Variants in RANBP17 observed in about 807,000 individuals in gnomAD.
The protein encoded by RANBP17 is ran-binding protein 17.
RANBP17 carries 158 observed loss-of-function variants against 141.2 expected under a neutral mutation model. The observed-to-expected ratio is 1.12, with a 90% CI of 0.98 to 1.28. The LOEUF is 1.28. Among genes scored for constraint, RANBP17 ranks in the 50% most tolerant of loss-of-function variants. RANBP17 has a pLI of 0.00. For missense variants in RANBP17, 1,438 were observed against 1,290.7 expected, an observed-to-expected ratio of 1.11 and a Z score of -1.75; for synonymous variants, 430 against 450.0, an observed-to-expected ratio of 0.96 and a Z score of 0.56.
chr5:170,882,272 G>A (rs1452790832), intron 3 of RANBP17, among the ~76,000 whole-genome samples: 1 of 152,060 alleles, frequency 6.6e-6, no homozygotes, highest in Non-Finnish European at 1.5e-5. Context: ...AGTAGAGACA[G>A]GGTTTCACCA....
intron 16 of RANBP17, among the ~76,000 whole-genome samples, chr5:171,174,502 G>A (rs1374755342): frequency 6.6e-6 from 1 of 152,126 alleles, no homozygotes; most frequent in Admixed American, 6.6e-5. Context: ...TTTAAATGCT[G>A]AAAACGGAGA....
At chr5:171,258,912 GAAAT>G (rs1766102789) in intron 24 of RANBP17, among the ~76,000 whole-genome samples, 1 of 151,986 alleles carries the variant, frequency 6.6e-6, no homozygotes. Context: ...AATCACAAAA[GAAAT>G]AACCAACAGA....
At chr5:171,206,866 A>T in intron 20 of RANBP17, 1 of 184,668 alleles carries the variant, frequency 5.4e-6, no homozygotes, top group African/African-American at 2.3e-5. Context: ...GTCATTGAGT[A>T]ATCATGCACA....
intron 21 of RANBP17, among the ~76,000 whole-genome samples, chr5:171,217,873 T>C (rs1399883235): frequency 6.6e-6 from 1 of 152,126 alleles, no homozygotes; most frequent in Non-Finnish European, 1.5e-5. Context: ...TTTCAAAGGG[T>C]TTTTCATGTA....
At chr5:171,074,000 T>C (rs549366355) in intron 14 of RANBP17, among the ~76,000 whole-genome samples, 3 of 152,282 alleles carry the variant, frequency 2.0e-5, no homozygotes, top group East Asian at 1.9e-4. Context: ...TTAATAATTA[T>C]ATAAATACTA....
intron 14 of RANBP17, among the ~76,000 whole-genome samples, chr5:171,163,804 T>A (rs914634443): frequency 6.6e-6 from 1 of 152,208 alleles, no homozygotes. Context: ...TTTTTGAGAA[T>A]AAATTGGTTC....
At chr5:171,061,403 C>A (rs1439646768) in intron 14 of RANBP17, among the ~76,000 whole-genome samples, 4 of 151,790 alleles carry the variant, frequency 2.6e-5, no homozygotes, top group Admixed American at 2.6e-4. Context: ...TTATTTCTGC[C>A]TTCATTTCGT....
chr5:171,254,231 A>G (rs1765747329), intron 24 of RANBP17, among the ~76,000 whole-genome samples: 1 of 145,388 alleles, frequency 6.9e-6, no homozygotes, highest in African/African-American at 2.5e-5. Flanking sequence ...TGGGCAACAG[A>G]GCGAGACTCT....
intron 14 of RANBP17, among the ~76,000 whole-genome samples, chr5:171,105,007 G>A (rs1270346447): frequency 2.6e-5 from 4 of 152,102 alleles, no homozygotes; most frequent in East Asian, 1.9e-4. Flanking sequence ...CATATTGTAC[G>A]TTGATAAAAT....
rs1302037814 is a variant in RANBP17, at chr5:170,913,992, T to C, written c.761-175T>C. Among the ~76,000 whole-genome samples, 3 of 152,122 alleles carry C rather than the reference T, an allele frequency of 2.0e-5. No homozygotes were observed. The East Asian group carries it at 5.8e-4, about 29-fold the overall frequency. ...AGGAAGAGCCTGGCTAGTTAATTTC[T>C]CTCTGTATTATTTCATCTTTCAAAG... is the stretch of plus-strand genomic sequence containing the variant. On this transcript the variant is annotated intron_variant, in intron 7 of 27. Transcript: ENST00000523189.
At chr5:171,211,467 G>T (rs541657932) in intron 20 of RANBP17, among the ~76,000 whole-genome samples, 1 of 152,002 alleles carries the variant, frequency 6.6e-6, no homozygotes, top group Non-Finnish European at 1.5e-5. Context: ...TCACCATGTT[G>T]CCCAGGCTGG....
chr5:171,274,944 C>T lies in RANBP17; in HGVS notation c.2943+9097C>T, dbSNP rs544808416. ...AGAAAAAAGTACTTCAAATATTGTT[C>T]CAAATGGTTAACAGAACAGAGAGGA... On this transcript the variant is annotated intron_variant, in intron 25 of 27. Coordinates refer to ENST00000523189, the MANE Select transcript of RANBP17 (RefSeq NM_022897.5). Among the ~76,000 whole-genome samples, 4 of 152,214 alleles carry T rather than the reference C, an allele frequency of 2.6e-5. No homozygotes were observed. The East Asian group carries it at 7.7e-4, about 29-fold the overall frequency.
chr5:171,075,477 A>G (rs1248916304), intron 14 of RANBP17, among the ~76,000 whole-genome samples: 1 of 152,200 alleles, frequency 6.6e-6, no homozygotes, highest in Non-Finnish European at 1.5e-5. Context: ...ATTTATATGA[A>G]ATGTCCAGAG....
At chr5:170,920,511 CT>C (rs35922124) in intron 11 of RANBP17, among the ~76,000 whole-genome samples, 90,936 of 144,706 alleles carry the variant, frequency 0.63, 28,885 homozygotes, top group South Asian at 0.89. Flanking sequence ...TGTATATTTT[CT>C]TTTTTTTTTT....
chr5:171,195,074 A>G (rs532461544), intron 18 of RANBP17, among the ~76,000 whole-genome samples: 5 of 152,334 alleles, frequency 3.3e-5, no homozygotes, highest in African/African-American at 1.2e-4. Context: ...ATTTTTATCT[A>G]TACATGACTG....
At chr5:170,909,578 CTTTT>C (rs386405668) in intron 5 of RANBP17, 79 bp from the exon 6 acceptor site, 41 of 240,520 alleles carry the variant, frequency 1.7e-4, no homozygotes, top group East Asian at 3.6e-4. Flanking sequence ...AGTTTATTTC[CTTTT>C]TTTTTTTTTT....
chr5:171,184,880 C>T (rs777399151), intron 18 of RANBP17, among the ~76,000 whole-genome samples: 11 of 152,018 alleles, frequency 7.2e-5, no homozygotes, highest in East Asian at 3.9e-4. Context: ...TACTTTATTG[C>T]GGCCAGGTGC....
chr5:171,207,585 CA>C (rs1015161655), intron 20 of RANBP17: 7 of 152,272 alleles, frequency 4.6e-5, no homozygotes, highest in East Asian at 1.9e-4. Context: ...TTATCAGGGT[CA>C]GGGGCGGAGA....
rs549357293 is a variant in RANBP17, at chr5:171,148,617, G to T, written c.1711-21513G>T. ...CTGTATTGATATATATATATATATA[G>T]AGAGAGAGAGAGAACATTTCATGAT... On this transcript the variant is annotated intron_variant, in intron 14 of 27. Coordinates refer to ENST00000523189, the MANE Select transcript of RANBP17 (RefSeq NM_022897.5). Among the ~76,000 whole-genome samples, 1,378 of 151,338 alleles carry T rather than the reference G, an allele frequency of 9.1e-3. 25 individuals are homozygous for T. The highest frequency in any genetic ancestry group is 0.033 in the Admixed American group (506 of 15,182).
Sources: allele counts gnomAD v4.1 joint callset (sites outside exome capture counted in the v4.1 genomes callset), GRCh38; gene constraint gnomAD v4.1.1; transcripts MANE v1.5; gene names NCBI Gene and HGNC (gene_info 2026-07-23, HGNC 2026-07-21).